C12orf42: variants seen among roughly 807,000 people sequenced by gnomAD.
C12orf42 encodes chromosome 12 open reading frame 42.
C12orf42 carries 25 observed loss-of-function variants against 21.6 expected under a neutral mutation model. The observed-to-expected ratio is 1.16, with a 90% confidence interval of 0.84 to 1.62. The LOEUF (loss-of-function observed/expected upper bound fraction) is 1.62. Ranked by LOEUF, C12orf42 falls within the 40% of genes most tolerant of loss-of-function variation. The pLI is 0.00. For missense variants in C12orf42, 483 were observed against 459.3 expected, an observed-to-expected ratio of 1.05 and a Z score of -0.47; for synonymous variants, 174 against 175.0, an observed-to-expected ratio of 0.99 and a Z score of 0.05.
At chr12:103,293,993 G>A (rs1487731877) in intron 4 of C12orf42, among the ~76,000 whole-genome samples, 1 of 152,096 alleles carries the variant, frequency 6.6e-6, no homozygotes, top group Non-Finnish European at 1.5e-5. Context: ...TCTGTCTCCA[G>A]TACAACACAT....
chr12:103,505,054 G>A, the C12orf42 span: 3 of 310,480 alleles, frequency 9.7e-6, no homozygotes, highest in African/African-American at 4.4e-5. Flanking sequence ...AGTGGGAAGT[G>A]AGAGACACTG....
At chr12:103,451,637 G>A (rs887990373) in intron 2 of C12orf42, among the ~76,000 whole-genome samples, 1 of 151,960 alleles carries the variant, frequency 6.6e-6, no homozygotes, top group African/African-American at 2.4e-5. Flanking sequence ...CTACAGTTTG[G>A]GGCAATCAGC....
the C12orf42 span, among the ~76,000 whole-genome samples, chr12:103,198,700 C>A: frequency 1.3e-5 from 2 of 152,340 alleles, no homozygotes; most frequent in South Asian, 4.1e-4. Flanking sequence ...GTGTGCTACT[C>A]CACACCTGCT....
chr12:103,247,143 C>T (rs1008943774), intron 10 of C12orf42, among the ~76,000 whole-genome samples: 4 of 151,508 alleles, frequency 2.6e-5, no homozygotes, highest in African/African-American at 9.7e-5. Flanking sequence ...TTGATTCTCA[C>T]TGCAACAAGT....
chr12:103,426,121 G>A (rs1949789132), intron 2 of C12orf42, among the ~76,000 whole-genome samples: 1 of 152,194 alleles, frequency 6.6e-6, no homozygotes, highest in Non-Finnish European at 1.5e-5. Flanking sequence ...TTGATGAATT[G>A]ACAGAAGTAG....
At chr12:103,090,534 A>C in the C12orf42 span, among the ~76,000 whole-genome samples, 1 of 152,252 alleles carries the variant, frequency 6.6e-6, no homozygotes, top group Non-Finnish European at 1.5e-5. Context: ...GATCAGATGA[A>C]AAATCTCATA....
chr12:103,055,880 A>T, the C12orf42 span, among the ~76,000 whole-genome samples: 3 of 152,016 alleles, frequency 2.0e-5, no homozygotes, highest in African/African-American at 7.2e-5. Context: ...TTCCAGTTTA[A>T]TTCCACCATA....
the C12orf42 span, among the ~76,000 whole-genome samples, chr12:103,152,665 G>A: frequency 5.3e-5 from 8 of 152,040 alleles, no homozygotes; most frequent in East Asian, 7.7e-4. Flanking sequence ...GTCAATAAAC[G>A]ACAATAATTT....
At chr12:103,322,921 C>T (rs2040326241) in intron 4 of C12orf42, among the ~76,000 whole-genome samples, 2 of 152,086 alleles carry the variant, frequency 1.3e-5, no homozygotes, top group African/African-American at 4.8e-5. Context: ...TGACAATGCC[C>T]CAGGTAACAA....
At chr12:103,053,850 G>T in the C12orf42 span, among the ~76,000 whole-genome samples, 1 of 151,806 alleles carries the variant, frequency 6.6e-6, no homozygotes, top group Non-Finnish European at 1.5e-5. Flanking sequence ...TGCTGAAAAG[G>T]CTATCTTTTC....
intron 2 of C12orf42, among the ~76,000 whole-genome samples, chr12:103,443,459 T>C (rs1951388230): frequency 6.6e-6 from 1 of 152,058 alleles, no homozygotes; most frequent in Admixed American, 6.6e-5. Context: ...AGAGATGAGA[T>C]TAAATCCCAG....
chr12:103,150,336 C>T, the C12orf42 span, among the ~76,000 whole-genome samples: 3 of 152,158 alleles, frequency 2.0e-5, no homozygotes, highest in Non-Finnish European at 2.9e-5. Context: ...AAGAAAGTGT[C>T]AACGATGCTA....
the C12orf42 span, among the ~76,000 whole-genome samples, chr12:103,147,202 C>T: frequency 6.6e-6 from 1 of 152,088 alleles, no homozygotes; most frequent in Non-Finnish European, 1.5e-5. Flanking sequence ...AGGAAAAAAG[C>T]ACTAATATAT....
At position 103,369,575 on chromosome 12, in the gene C12orf42, GAT is replaced by G. The variant is rs569592891; in HGVS notation, c.148-579_148-578del. Among the ~76,000 whole-genome samples the G allele has an allele frequency of 5.1e-4, 78 of 151,702 alleles. No homozygotes were observed. The East Asian group carries it at 0.01, about 20-fold the overall frequency. On this transcript the variant is annotated intron_variant, in intron 3 of 5. Coordinates refer to ENST00000548883, the MANE Select transcript of C12orf42 (RefSeq NM_198521.5). ...TGTGTGAAAGAATGGAGAGGCAGGGGATAGGGAAGGGGGTCAGAAGGTGGGGG... is the reference window on the plus strand; with the variant it reads ...TGTGTGAAAGAATGGAGAGGCAGGGGAGGGAAGGGGGTCAGAAGGTGGGGG...
At chr12:103,511,612 A>C in the C12orf42 span, among the ~76,000 whole-genome samples, 1 of 151,464 alleles carries the variant, frequency 6.6e-6, no homozygotes, top group Non-Finnish European at 1.5e-5. Context: ...CTCTAGAAGC[A>C]TAGATAAATG....
chr12:103,495,893 T>A lies in C12orf42; in HGVS notation c.-22+9A>T, dbSNP rs1955520826. The A allele has an allele frequency of 6.6e-6, 1 of 152,302 alleles. No individual in the cohort carries two copies. The allele number at this position is 152,302 out of a possible 1,614,324, so 9.4% of individuals were successfully genotyped here. A position where few individuals can be genotyped will look rare whatever the true frequency, so the allele number is the denominator to read the frequency against. ...GCCAGGGGGCGAGTCCCGCGCTCCC[T>A]GCGTCTACCTGGAGCTGCAGGGTCC... is the stretch of plus-strand genomic sequence containing the variant. On this transcript the variant is annotated intron_variant, in intron 1 of 5. Coordinates refer to ENST00000548883, the MANE Select transcript of C12orf42 (RefSeq NM_198521.5).
chr12:103,200,189 GAACT>G, the C12orf42 span, among the ~76,000 whole-genome samples: 1 of 152,146 alleles, frequency 6.6e-6, no homozygotes, highest in Non-Finnish European at 1.5e-5. Flanking sequence ...CAAAATGGGT[GAACT>G]TAGAGGACAT....
chr12:103,360,886 T>G (rs1209523214), intron 4 of C12orf42, among the ~76,000 whole-genome samples: 14 of 152,088 alleles, frequency 9.2e-5, no homozygotes, highest in Non-Finnish European at 1.5e-5. Context: ...AGTATATCCA[T>G]AAAATATATT....
At chr12:103,232,930 TGGG>T (rs559168235), downstream of C12orf42, among the ~76,000 whole-genome samples, 2 of 152,028 alleles carry the variant, frequency 1.3e-5, no homozygotes, top group Non-Finnish European at 2.9e-5. Flanking sequence ...TTGTACCTAT[TGGG>T]GGGGTATATG....
Sources: gnomAD v4.1 joint callset for allele counts (sites outside exome capture counted in the v4.1 genomes callset) on GRCh38, gnomAD v4.1.1 for gene constraint, MANE v1.5 for transcripts, NCBI Gene and HGNC (gene_info 2026-07-23, HGNC 2026-07-21) for gene names.